The following PCDH15 variants were observed in gnomAD, a reference collection of about 807,000 sequenced individuals.
PCDH15 encodes the protein protocadherin-15.
A neutral mutation model predicts 178.5 loss-of-function variants in PCDH15; 129 were observed. That is an observed-to-expected ratio of 0.72 (90% confidence interval 0.63 to 0.84). PCDH15 has a LOEUF of 0.84. Among genes scored for constraint, PCDH15 ranks in the 40% least tolerant of loss-of-function variants. PCDH15 has a pLI of 0.00. For missense variants in PCDH15, 2,230 were observed against 2,099.9 expected (o/e 1.06, Z -1.21); for synonymous variants, 800 against 732.0 (o/e 1.09, Z -1.50).
At chr10:55,024,122 A>G (rs1840412673) in intron 2 of PCDH15, among the ~76,000 whole-genome samples, 1 of 141,296 alleles carries the variant, frequency 7.1e-6, no homozygotes, top group Non-Finnish European at 1.5e-5. Flanking sequence ...TATAGGAAGG[A>G]ATATATATAT....
rs187227297 is a variant in PCDH15 at position 55,290,129 on chromosome 10, T to A, written c.-156+29470A>T. 3.1e-4 allele frequency among the ~76,000 whole-genome samples: 47 copies of A among 151,998 alleles called. No individual in the cohort carries two copies. In the East Asian group the frequency reaches 8.5e-3, roughly 27 times the overall value. ...TAGCAACAGAAAATAAACAAAGGCA[T>A]CTATCATTGTATTACTAGATATAAT... On this transcript the variant is annotated intron_variant, in intron 1 of 5. Transcript: ENST00000458638.
intron 1 of PCDH15, among the ~76,000 whole-genome samples, chr10:54,785,544 C>A (rs999065578): frequency 6.6e-6 from 1 of 151,952 alleles, no homozygotes; most frequent in African/African-American, 2.4e-5. Flanking sequence ...AATTAATGTT[C>A]CTGAGGGAGT....
At chr10:55,299,979 T>C (rs576517799) in intron 1 of PCDH15, among the ~76,000 whole-genome samples, 10 of 152,208 alleles carry the variant, frequency 6.6e-5, no homozygotes, top group Non-Finnish European at 1.5e-4. Context: ...GTTTATTTTC[T>C]AAGAATATTC....
intron 13 of PCDH15, among the ~76,000 whole-genome samples, chr10:54,179,405 T>C (rs1480425450): frequency 1.8e-5 from 2 of 109,506 alleles, no homozygotes; most frequent in Non-Finnish European, 3.6e-5. Context: ...AACATCACAC[T>C]CTGGGGACTG....
intron 1 of PCDH15, among the ~76,000 whole-genome samples, chr10:55,302,425 A>T (rs902382302): frequency 1.3e-5 from 2 of 152,160 alleles, no homozygotes; most frequent in Admixed American, 6.5e-5. Flanking sequence ...ATTTGTGTGA[A>T]GAAATTGCCT....
intron 6 of PCDH15, among the ~76,000 whole-genome samples, chr10:54,345,833 A>AAG (rs1463416118): frequency 1.6e-5 from 2 of 127,248 alleles, no homozygotes; most frequent in Admixed American, 7.8e-5. Flanking sequence ...AAAAAAAAAA[A>AAG]AGAAATCATC....
intron 1 of PCDH15, among the ~76,000 whole-genome samples, chr10:54,708,108 A>G (rs2095385715): frequency 6.6e-6 from 1 of 152,260 alleles, no homozygotes; most frequent in Non-Finnish European, 1.5e-5. Flanking sequence ...TAATTGTAAC[A>G]TAAACATCAA....
At chr10:54,803,129 AG>A (rs1219376457), upstream of PCDH15, among the ~76,000 whole-genome samples, 3 of 152,170 alleles carry the variant, frequency 2.0e-5, no homozygotes, top group African/African-American at 4.8e-5. Context: ...CTTTGAAAAA[AG>A]TGTTGCATAA....
intron 3 of PCDH15, among the ~76,000 whole-genome samples, chr10:54,399,915 A>G (rs1275169626): frequency 6.6e-6 from 1 of 152,120 alleles, no homozygotes; most frequent in East Asian, 1.9e-4. Flanking sequence ...TCAGACCTAG[A>G]GAGTACAGCA....
Position 54,657,400 on chromosome 10 carries a change from G to A in PCDH15, c.91+6772C>T, listed in dbSNP as rs1590877449. On this transcript the variant is annotated intron_variant, in intron 2 of 37. Transcript: ENST00000644397. Reference sequence around the variant, plus strand: ...AGTCATTACTGAGCTACCAGAGAATGAGCAGGCTCTTATGCTTAAGTGCCA... The same window carrying A: ...AGTCATTACTGAGCTACCAGAGAATAAGCAGGCTCTTATGCTTAAGTGCCA... Among the ~76,000 whole-genome samples, 3 of 152,298 alleles carry A rather than the reference G, an allele frequency of 2.0e-5. No homozygotes were observed. The South Asian group carries it at 6.2e-4, about 32-fold the overall frequency.
intron 4 of PCDH15, among the ~76,000 whole-genome samples, chr10:54,371,662 C>T (rs1428994705): frequency 6.6e-6 from 1 of 151,784 alleles, no homozygotes; most frequent in Non-Finnish European, 1.5e-5. Flanking sequence ...CAAAGTATCT[C>T]ATGTAACTCA....
intron 2 of PCDH15, among the ~76,000 whole-genome samples, chr10:55,552,221 T>C (rs1025985023): frequency 6.6e-6 from 1 of 151,692 alleles, no homozygotes; most frequent in Non-Finnish European, 1.5e-5. Context: ...AATATATCAA[T>C]TTTTTCTAAT....
chr10:53,836,674 C>T (rs987610116), intron 29 of PCDH15, among the ~76,000 whole-genome samples: 3 of 152,180 alleles, frequency 2.0e-5, no homozygotes, highest in South Asian at 4.1e-4. Flanking sequence ...CATTTACAGG[C>T]ATAAACTCTA....
At chr10:55,549,176 T>C (rs1366437329) in intron 2 of PCDH15, among the ~76,000 whole-genome samples, 1 of 151,428 alleles carries the variant, frequency 6.6e-6, no homozygotes, top group Non-Finnish European at 1.5e-5. Flanking sequence ...TTGTTTGTTT[T>C]TTCCCCCCCA....
chr10:55,327,011 ATGT>A (rs1229616853), intron 2 of PCDH15, among the ~76,000 whole-genome samples: 1 of 152,170 alleles, frequency 6.6e-6, no homozygotes, highest in African/African-American at 2.4e-5. Context: ...TGGATCATAA[ATGT>A]TGCTGTGGAA....
chr10:55,074,834 T>C (rs543123885), intron 2 of PCDH15, among the ~76,000 whole-genome samples: 6 of 152,270 alleles, frequency 3.9e-5, no homozygotes, highest in South Asian at 4.1e-4. Flanking sequence ...TCTTCTAAGA[T>C]TTTTATGTTT....
chr10:54,370,453 C>A (rs957571549), intron 4 of PCDH15, among the ~76,000 whole-genome samples: 2 of 151,894 alleles, frequency 1.3e-5, no homozygotes, highest in Non-Finnish European at 2.9e-5. Context: ...AAGCTCAATA[C>A]AACCTGTGTG....
intron 5 of PCDH15, among the ~76,000 whole-genome samples, chr10:54,347,873 GAGTCTC>G (rs1943558005): frequency 6.9e-6 from 1 of 144,836 alleles, no homozygotes; most frequent in African/African-American, 2.9e-5. Context: ...TTTTGAGATG[GAGTCTC>G]ACTCTGTCAC....
intron 3 of PCDH15, among the ~76,000 whole-genome samples, chr10:54,412,920 G>C (rs1057246539): frequency 6.6e-6 from 1 of 152,080 alleles, no homozygotes; most frequent in Non-Finnish European, 1.5e-5. Flanking sequence ...AGATGATAAG[G>C]ACCAGGCAAC....
Sources: gnomAD v4.1 joint callset for allele counts (sites outside exome capture counted in the v4.1 genomes callset) on GRCh38, gnomAD v4.1.1 for gene constraint, MANE v1.5 for transcripts, NCBI Gene and HGNC (gene_info 2026-07-23, HGNC 2026-07-21) for gene names.